Variants in SLC29A2 observed in about 807,000 individuals in gnomAD.
The protein encoded by SLC29A2 is solute carrier family 29 member 2.
SLC29A2 carries 37 observed loss-of-function variants against 48.8 expected under a neutral mutation model. That is an observed-to-expected ratio of 0.76 (90% CI 0.58 to 1.00). The LOEUF is 1.00. SLC29A2 is among the 50% of genes least tolerant of loss of function. SLC29A2 has a pLI of 0.00. For synonymous variants in SLC29A2, 233 were observed against 261.7 expected (o/e 0.89, Z 1.06); for missense variants, 533 against 578.6 (o/e 0.92, Z 0.81).
At position 66,369,520 on chromosome 11, in the gene SLC29A2, G is replaced by T. The variant is rs767090901; in HGVS notation, c.124C>A (p.Arg42=). Residue 42 remains arginine, a synonymous_variant, in exon 3 of 12, where the codon CGA becomes AGA. Transcript: ENST00000357440. ...FITAIPYFQA[R]LAGAGNSTAR... is the part of the protein sequence containing the mutation. ...GTGCTGTTGCCGGCCCCGGCCAGTC[G>T]CGCCTGGAAGTACTGCCAGGTGGGG... The T allele has an allele frequency of 1.2e-6, 2 of 1,613,788 alleles. No homozygotes were observed. The highest frequency in any genetic ancestry group is 1.1e-5 in the South Asian group (1 of 91,084).
chr11:66,369,280 G>A, intron 3 of SLC29A2, 81 bp from the exon 4 acceptor site: 2 of 1,595,220 alleles, frequency 1.3e-6, no homozygotes, highest in Non-Finnish European at 1.7e-6. Context: ...CTGGGGCTGG[G>A]CAGTAGGGCT....
At chr11:66,367,669 G>T in intron 6 of SLC29A2, 103 bp downstream of exon 6, 1 of 1,467,398 alleles carries the variant, frequency 6.8e-7, no homozygotes, top group Non-Finnish European at 9.5e-7. Context: ...TCAGGGCTGA[G>T]ACCAGGTCTC....
chr11:66,371,458 G>A (rs1310864574), intron 1 of SLC29A2, 105 bp downstream of exon 1: 2 of 1,501,094 alleles, frequency 1.3e-6, no homozygotes, highest in Non-Finnish European at 1.8e-6. Flanking sequence ...GGAGTCGGCT[G>A]ATGGGAATTG....
rs1313265635 is a variant in SLC29A2 at position 66,363,253 on chromosome 11, G to A, written c.*183C>T. The stretch of plus-strand genomic sequence containing the variant: ...GGTGAGGGTTAGAATGACCGGTGGT[G>A]ATTTCTTCCCCACAGCACTCCAAGT... On this transcript the variant is annotated 3_prime_UTR_variant, in exon 12 of 12. Coordinates refer to ENST00000357440, the MANE Select transcript of SLC29A2 (RefSeq NM_001532.3). 3.0e-6 allele frequency: 2 copies of A among 662,456 alleles called. No individual in the cohort carries two copies. The highest frequency in any genetic ancestry group is 1.8e-5 in the African/African-American group (1 of 55,512). 41.0% of individuals were successfully genotyped at this position (662,456 alleles called of 1,614,324 possible).
rs1855471736 is a variant in SLC29A2 at position 66,363,171 on chromosome 11, C to CT, written c.*264dup. The CT allele has an allele frequency of 1.0e-5, 5 of 488,172 alleles. No individual in the cohort carries two copies. The highest frequency in any genetic ancestry group is 1.2e-3 in the Middle Eastern group (2 of 1,732). 30.2% of individuals were successfully genotyped at this position (488,172 alleles called of 1,614,324 possible). On this transcript the variant is annotated 3_prime_UTR_variant, in exon 12 of 12. Transcript: ENST00000357440. Reference sequence around the variant, plus strand: ...GGGGAGCAGCCGTGCCCTGCACCCTCTTTTCCCTAGTCATCACCCTTTCCA... The same window carrying CT: ...GGGGAGCAGCCGTGCCCTGCACCCTCTTTTTCCCTAGTCATCACCCTTTCCA...
intron 9 of SLC29A2, 45 bp downstream of exon 9, chr11:66,366,081 C>G (rs745592942): frequency 5.8e-5 from 93 of 1,606,816 alleles, no homozygotes; most frequent in Non-Finnish European, 7.6e-5. Flanking sequence ...CGTCCTCTCC[C>G]CTTTGTACCC....
rs1856056862 is a variant in SLC29A2 at position 66,371,680 on chromosome 11, G to GC, written c.-90dup. ...GGGCGGAGGGCCGCAGACCGGTGGG[G>GC]CGGGGGGCGGGTCTCCCCAGATTCC... On this transcript the variant is annotated 5_prime_UTR_variant, in exon 1 of 12. Coordinates refer to ENST00000357440, the MANE Select transcript of SLC29A2 (RefSeq NM_001532.3). 7.5e-7 allele frequency: 1 copy of GC among 1,340,258 alleles called. No homozygotes were observed. The highest frequency in any genetic ancestry group is 1.0e-6 in the Non-Finnish European group (1 of 982,008). 83.0% of individuals were successfully genotyped at this position (1,340,258 alleles called of 1,614,324 possible).
chr11:66,368,157 G>A (rs1590657854), intron 5 of SLC29A2, among the ~76,000 whole-genome samples: 2 of 152,134 alleles, frequency 1.3e-5, no homozygotes, highest in African/African-American at 4.8e-5. Flanking sequence ...CAATCACGTC[G>A]GTGGGGAAGC....
At position 66,363,125 on chromosome 11, in the gene SLC29A2, A is replaced by G. The variant is rs74834302; in HGVS notation, c.*311T>C. 1.8e-4 allele frequency: 69 copies of G among 391,036 alleles called. 1 individual carries two copies. In the East Asian group the frequency reaches 2.5e-3, roughly 14 times the overall value. 24.2% of individuals were successfully genotyped at this position (391,036 alleles called of 1,614,324 possible). A position where few individuals can be genotyped will look rare whatever the true frequency, so the allele number is the denominator to read the frequency against. ...GTCACCTCTGCTCCTGATGATGATG[A>G]ACAAATGCAGACCTGGTGGTGGGGA... is the stretch of plus-strand genomic sequence containing the variant. On this transcript the variant is annotated 3_prime_UTR_variant, in exon 12 of 12. Coordinates refer to ENST00000357440, the MANE Select transcript of SLC29A2 (RefSeq NM_001532.3).
At chr11:66,369,305 G>A (rs562789782) in intron 3 of SLC29A2, 64 bp downstream of exon 3, 20 of 1,606,788 alleles carry the variant, frequency 1.2e-5, no homozygotes, top group Admixed American at 3.3e-5. Flanking sequence ...GGCAGGGGGC[G>A]CAGGGGAGGG....
rs1590642587 is a variant in SLC29A2, at chr11:66,363,186, C to T, written c.*250G>A. 4 of 522,244 alleles carry T rather than the reference C, an allele frequency of 7.7e-6. No homozygotes were observed. Among genetic ancestry groups the T allele is most frequent in the East Asian group, 7.0e-5 (2 of 28,638 alleles). The allele number at this position is 522,244 out of a possible 1,614,324, so 32.4% of individuals were successfully genotyped here. ...CCTGCACCCTCTTTTCCCTAGTCAT[C>T]ACCCTTTCCATGAGGTCTTGTGCGA... is the stretch of plus-strand genomic sequence containing the variant. On this transcript the variant is annotated 3_prime_UTR_variant, in exon 12 of 12. Transcript: ENST00000357440.
At chr11:66,368,758 A>T in intron 4 of SLC29A2, 87 bp from the exon 5 acceptor site, 1 of 1,528,550 alleles carries the variant, frequency 6.5e-7, no homozygotes, top group Non-Finnish European at 8.9e-7. Flanking sequence ...TACACAGGGG[A>T]CTCTGGACAA....
intron 7 of SLC29A2, among the ~76,000 whole-genome samples, chr11:66,367,131 A>G (rs1217055913): frequency 6.6e-6 from 1 of 152,206 alleles, no homozygotes; most frequent in Non-Finnish European, 1.5e-5. Context: ...CAAATGACAC[A>G]TTGAGGTTCA....
chr11:66,364,147 C>T (rs1855528611), intron 11 of SLC29A2, 78 bp downstream of exon 11: 2 of 1,202,588 alleles, frequency 1.7e-6, no homozygotes, highest in African/African-American at 3.0e-5. Flanking sequence ...GCCGTCCCTC[C>T]ATTGCAGGCG....
intron 2 of SLC29A2, among the ~76,000 whole-genome samples, chr11:66,370,297 G>A (rs1169277408): frequency 6.6e-6 from 1 of 152,208 alleles, no homozygotes; most frequent in Non-Finnish European, 1.5e-5. Flanking sequence ...CTGCAAGCCT[G>A]GAATGTCACG....
intron 7 of SLC29A2, 51 bp downstream of exon 7, chr11:66,367,413 C>G (rs756773050): frequency 6.7e-7 from 1 of 1,503,380 alleles, no homozygotes; most frequent in Admixed American, 1.7e-5. Context: ...GGGGAGGTGG[C>G]TCTAGCTTCC....
At chr11:66,371,845 C>A (rs1856066628), upstream of SLC29A2, 2 of 550,540 alleles carry the variant, frequency 3.6e-6, no homozygotes, top group South Asian at 4.5e-5. Flanking sequence ...CCACCCGCCT[C>A]AGGGACTCGA....
intron 2 of SLC29A2, 46 bp from the exon 3 acceptor site, chr11:66,369,578 C>T (rs1855916769): frequency 1.2e-6 from 2 of 1,607,240 alleles, no homozygotes; most frequent in Non-Finnish European, 1.7e-6. Flanking sequence ...CTCAGCCTTC[C>T]CCCGCTGCCT....
At chr11:66,369,886 C>T (rs1855934137) in intron 2 of SLC29A2, among the ~76,000 whole-genome samples, 1 of 152,212 alleles carries the variant, frequency 6.6e-6, no homozygotes, top group African/African-American at 2.4e-5. Flanking sequence ...CAGGCTTTGG[C>T]CTAGGTGCTG....
Sources: gnomAD v4.1 joint callset for allele counts (sites outside exome capture counted in the v4.1 genomes callset) on GRCh38, gnomAD v4.1.1 for gene constraint, MANE v1.5 for transcripts, NCBI Gene and HGNC (gene_info 2026-07-23, HGNC 2026-07-21) for gene names.